Variants in RBFOX1 observed in about 807,000 individuals in gnomAD.
RBFOX1 encodes the protein RNA binding fox-1 homolog 1, also known as RNA binding protein fox-1 homolog 1.
RBFOX1 carries 8 observed loss-of-function variants against 57.7 expected under a neutral mutation model. The observed-to-expected ratio is 0.14, with a 90% CI of 0.08 to 0.25. The LOEUF (loss-of-function observed/expected upper bound fraction) is 0.25. Ranked by LOEUF, RBFOX1 falls within the 10% of genes least tolerant of loss-of-function variation. RBFOX1 has a pLI of 1.00. For synonymous variants in RBFOX1, 326 were observed against 222.4 expected (o/e 1.47, Z -4.15); for missense variants, 611 against 548.5 (o/e 1.11, Z -1.14).
Position 7,356,322 on chromosome 16 carries a change from G to A in RBFOX1, c.28-161825G>A, listed in dbSNP as rs113371070. On this transcript the variant is annotated intron_variant, in intron 4 of 15. Coordinates refer to ENST00000550418, the MANE Select transcript of RBFOX1 (RefSeq NM_018723.4). ...GATCTAAGCAACAAAAGACTGAAAT[G>A]AGAGGTATGCCCCAAGACACAGAGG... is the stretch of plus-strand genomic sequence containing the variant. Among the ~76,000 whole-genome samples, 781 of 152,274 alleles carry A rather than the reference G, an allele frequency of 5.1e-3. 8 individuals carry two copies. Among genetic ancestry groups the A allele is most frequent in the African/African-American group, 0.018 (741 of 41,560 alleles).
chr16:6,460,088 G>T (rs1429464185), intron 2 of RBFOX1, among the ~76,000 whole-genome samples: 1 of 142,942 alleles, frequency 7.0e-6, no homozygotes, highest in Non-Finnish European at 1.5e-5. Flanking sequence ...ATATTAGATT[G>T]CTTGGGGCTG....
intron 1 of RBFOX1, among the ~76,000 whole-genome samples, chr16:5,364,071 A>T (rs546055577): frequency 1.4e-4 from 21 of 152,368 alleles, no homozygotes; most frequent in African/African-American, 5.0e-4. Flanking sequence ...GCTGGATATC[A>T]GAAGCAGAAA....
chr16:6,946,621 G>C (rs1240740411), intron 3 of RBFOX1, among the ~76,000 whole-genome samples: 1 of 151,998 alleles, frequency 6.6e-6, no homozygotes, highest in Non-Finnish European at 1.5e-5. Context: ...AAGGTAGTAG[G>C]GGTTAGGGTC....
At chr16:5,300,665 T>A (rs1436397498) in intron 1 of RBFOX1, among the ~76,000 whole-genome samples, 1 of 152,230 alleles carries the variant, frequency 6.6e-6, no homozygotes, top group Admixed American at 6.5e-5. Context: ...TGTCAACTTA[T>A]GAATTCAATT....
chr16:6,163,734 A>T (rs1435575862), intron 1 of RBFOX1, among the ~76,000 whole-genome samples: 1 of 152,222 alleles, frequency 6.6e-6, no homozygotes, highest in African/African-American at 2.4e-5. Flanking sequence ...TAAAAATGCC[A>T]GGTCAGTCTG....
chr16:6,483,666 C>G, intron 2 of RBFOX1: 1 of 796,898 alleles, frequency 1.3e-6, no homozygotes, highest in South Asian at 3.5e-5. Flanking sequence ...CCACTGACTC[C>G]GCGGGAGGGG....
chr16:5,999,847 G>A (rs1309602511), intron 4 of RBFOX1, among the ~76,000 whole-genome samples: 1 of 112,128 alleles, frequency 8.9e-6, no homozygotes, highest in African/African-American at 3.5e-5. Context: ...CAGCCTGGGC[G>A]ACAGAGCGAG....
intron 3 of RBFOX1, among the ~76,000 whole-genome samples, chr16:7,033,039 C>T (rs181059665): frequency 1.4e-4 from 22 of 152,236 alleles, no homozygotes; most frequent in Admixed American, 8.5e-4. Flanking sequence ...TGTGTAGAGA[C>T]TGTCCACTAG....
chr16:6,238,247 C>T (rs964530997), intron 1 of RBFOX1, among the ~76,000 whole-genome samples: 1 of 152,046 alleles, frequency 6.6e-6, no homozygotes, highest in African/African-American at 2.4e-5. Flanking sequence ...ACAGTATGGC[C>T]AGGCATATTA....
At chr16:5,879,787 G>C (rs139628397) in intron 4 of RBFOX1, among the ~76,000 whole-genome samples, 29 of 152,256 alleles carry the variant, frequency 1.9e-4, no homozygotes, top group Admixed American at 5.2e-4. Context: ...TGTTGACCTC[G>C]CAGTACAGGA....
intron 1 of RBFOX1, among the ~76,000 whole-genome samples, chr16:5,378,544 A>G (rs1206693982): frequency 6.6e-6 from 1 of 151,414 alleles, no homozygotes; most frequent in East Asian, 1.9e-4. Context: ...CAGAACCTCC[A>G]CTAGGGCAGC....
chr16:7,077,421 A>G (rs2058479061), intron 4 of RBFOX1, among the ~76,000 whole-genome samples: 1 of 152,214 alleles, frequency 6.6e-6, no homozygotes, highest in South Asian at 2.1e-4. Context: ...AAGCTACTAC[A>G]TTTATTAGCA....
At chr16:7,022,975 T>G (rs1278395502) in intron 3 of RBFOX1, among the ~76,000 whole-genome samples, 1 of 152,160 alleles carries the variant, frequency 6.6e-6, no homozygotes, top group Non-Finnish European at 1.5e-5. Flanking sequence ...GGAGGCAGAA[T>G]GGGCAGTGAA....
At chr16:6,640,456 G>GAA (rs1567999920) in intron 2 of RBFOX1, among the ~76,000 whole-genome samples, 19 of 151,580 alleles carry the variant, frequency 1.3e-4, no homozygotes, top group African/African-American at 1.2e-4. Flanking sequence ...TAAAAATGCA[G>GAA]AAATTAGCCA....
intron 3 of RBFOX1, among the ~76,000 whole-genome samples, chr16:6,723,308 A>G (rs2066420013): frequency 6.6e-6 from 1 of 152,196 alleles, no homozygotes; most frequent in Non-Finnish European, 1.5e-5. Flanking sequence ...CACCTACTGT[A>G]TCAGAGTGGT....
chr16:7,070,709 T>C (rs1207320449), intron 4 of RBFOX1, among the ~76,000 whole-genome samples: 1 of 152,210 alleles, frequency 6.6e-6, no homozygotes. Flanking sequence ...AATACTTTTC[T>C]AAGTAGGCAA....
intron 9 of RBFOX1, among the ~76,000 whole-genome samples, chr16:7,599,635 A>C (rs1301593873): frequency 1.4e-5 from 1 of 69,550 alleles, no homozygotes; most frequent in African/African-American, 8.8e-5. Context: ...AAATTAATAA[A>C]GACTTTTTTT....
intron 4 of RBFOX1, among the ~76,000 whole-genome samples, chr16:7,413,356 G>C (rs540241707): frequency 6.6e-6 from 1 of 152,110 alleles, no homozygotes; most frequent in Non-Finnish European, 1.5e-5. Context: ...GTAGCAATGG[G>C]TCCCACACAT....
At chr16:7,094,677 G>A (rs1478289807) in intron 4 of RBFOX1, among the ~76,000 whole-genome samples, 4 of 141,936 alleles carry the variant, frequency 2.8e-5, no homozygotes, top group African/African-American at 1.0e-4. Context: ...CTACTCCAAT[G>A]TCTTGTTAGT....
Sources: gnomAD v4.1 joint callset for allele counts (sites outside exome capture counted in the v4.1 genomes callset) on GRCh38, gnomAD v4.1.1 for gene constraint, MANE v1.5 for transcripts, NCBI Gene and HGNC (gene_info 2026-07-23, HGNC 2026-07-21) for gene names.